Variants in CAPN8 observed in about 807,000 individuals in gnomAD.
The protein encoded by CAPN8 is calpain 8, also known as calpain-8.
In CAPN8, 87 loss-of-function variants were observed where a neutral mutation model predicts 80.9. That is an observed-to-expected ratio of 1.07 (90% CI 0.90 to 1.28). CAPN8 has a LOEUF of 1.28. Among genes scored for constraint, CAPN8 ranks in the 50% most tolerant of loss-of-function variants. The pLI is 0.00. For synonymous variants in CAPN8, 299 were observed against 273.8 expected (o/e 1.09, Z -0.91); for missense variants, 757 against 702.0 (o/e 1.08, Z -0.89).
rs533265976 is a variant in CAPN8, at chr1:223,660,090, G to A, written c.237+5320C>T. ...GAGTGGAAGCTCCAAGCTGAGGCCT[G>A]TCACCCTCATCCTTATCCTAACCTC... On this transcript the variant is annotated intron_variant, in intron 1 of 20. Coordinates refer to ENST00000366872, the MANE Select transcript of CAPN8 (RefSeq NM_001143962.2). 3.9e-5 allele frequency among the ~76,000 whole-genome samples: 6 copies of A among 152,302 alleles called. No individual in the cohort carries two copies. In the East Asian group the frequency reaches 9.6e-4, roughly 24 times the overall value.
chr1:223,659,448 C>T (rs1243490057), intron 1 of CAPN8, among the ~76,000 whole-genome samples: 1 of 152,150 alleles, frequency 6.6e-6, no homozygotes, highest in East Asian at 1.9e-4. Context: ...TCACTCTCTT[C>T]CCATCACAGT....
intron 2 of CAPN8, among the ~76,000 whole-genome samples, chr1:223,652,517 T>C (rs369001084): frequency 4.0e-5 from 6 of 151,854 alleles, no homozygotes; most frequent in African/African-American, 1.4e-4. Flanking sequence ...CTACACACGG[T>C]ATGTCGAGTG....
Position 223,665,316 on chromosome 1 carries a change from G to A in CAPN8, c.237+94C>T, listed in dbSNP as rs1337126821. On this transcript the variant is annotated intron_variant, in intron 1 of 20. Coordinates refer to ENST00000366872, the MANE Select transcript of CAPN8 (RefSeq NM_001143962.2). ...TGAAATATGAGATCCAGACACTTAGGGTCCACAGCCTCAACTTCTCCCTCA... is the reference window on the plus strand; with the variant it reads ...TGAAATATGAGATCCAGACACTTAGAGTCCACAGCCTCAACTTCTCCCTCA... The A allele has an allele frequency of 4.2e-6, 4 of 957,250 alleles. No homozygotes were observed. In the East Asian group the frequency reaches 1.1e-4, roughly 25 times the overall value. The allele number at this position is 957,250 out of a possible 1,614,324, so 59.3% of individuals were successfully genotyped here. A position where few individuals can be genotyped will look rare whatever the true frequency, so the allele number is the denominator to read the frequency against.
intron 6 of CAPN8, among the ~76,000 whole-genome samples, chr1:223,625,222 G>C (rs1657532202): frequency 6.6e-6 from 1 of 152,174 alleles, no homozygotes; most frequent in Non-Finnish European, 1.5e-5. Context: ...TGGGACTACT[G>C]CCCCTTTTCC....
Position 223,545,228 on chromosome 1 carries a change from T to A in CAPN8, c.1833+3A>T. 6.4e-7 allele frequency: 1 copy of A among 1,551,680 alleles called. No individual in the cohort carries two copies. Among genetic ancestry groups the A allele is most frequent in the Non-Finnish European group, 8.7e-7 (1 of 1,146,980 alleles). ...AGGATGCCCAGAAGGAAAAGAGAGT[T>A]ACCAGATACTTCTGAATCTTCAGCC... On this transcript the variant is annotated splice_donor_region_variant and intron_variant, in intron 17 of 20. Coordinates refer to ENST00000366872, the MANE Select transcript of CAPN8 (RefSeq NM_001143962.2).
rs74145959 is a variant in CAPN8 at position 223,639,849 on chromosome 1, C to T, written c.308-11069G>A. On this transcript the variant is annotated intron_variant, in intron 2 of 20. Transcript: ENST00000366872. Reference sequence around the variant, plus strand: ...ACAAGTAAAGCTGAGGCCCTGAGTTCAAGTGACCCCCCAAGGCCAGGCAGT... The same window carrying T: ...ACAAGTAAAGCTGAGGCCCTGAGTTTAAGTGACCCCCCAAGGCCAGGCAGT... Among the ~76,000 whole-genome samples the T allele has an allele frequency of 6.0e-3, 910 of 152,344 alleles. 13 individuals carry two copies. Among genetic ancestry groups the T allele is most frequent in the African/African-American group, 0.02 (847 of 41,572 alleles).
intron 12 of CAPN8, 98 bp from the exon 13 acceptor site, chr1:223,558,265 T>A: frequency 2.5e-6 from 1 of 397,330 alleles, no homozygotes. Flanking sequence ...CCTGAGAGAT[T>A]GGGCTCGCAC....
intron 7 of CAPN8, 63 bp from the exon 8 acceptor site, chr1:223,620,329 T>C: frequency 1.4e-6 from 2 of 1,403,106 alleles, no homozygotes; most frequent in Non-Finnish European, 2.0e-6. Flanking sequence ...GCAAGCTGTT[T>C]ACTGCAGCTA....
At chr1:223,613,870 C>T (rs927362113) in intron 10 of CAPN8, among the ~76,000 whole-genome samples, 1 of 152,228 alleles carries the variant, frequency 6.6e-6, no homozygotes, top group Non-Finnish European at 1.5e-5. Flanking sequence ...ACTTCTGATA[C>T]CCTCTTAACC....
In CAPN8 at chr1:223,625,805, C is replaced by T. The variant is rs1344873046; in HGVS notation, c.813G>A (p.Glu271=). 1 of 1,549,704 alleles carries T rather than the reference C, an allele frequency of 6.5e-7. No individual in the cohort carries two copies. The highest frequency in any genetic ancestry group is 2.0e-5 in the Admixed American group (1 of 50,980). Residue 271 remains glutamate, a splice_region_variant and synonymous_variant, in exon 6 of 21, where the codon GAG becomes GAA. Coordinates refer to ENST00000366872, the MANE Select transcript of CAPN8 (RefSeq NM_001143962.2). ...TTCCCCACCTTCCACACAATTTTAC[C>T]TCTTCGACTCCAGTGACAGAGTACG... ...SHAYSVTGVE[E]VNFQGHPEKL...
At chr1:223,656,139 G>C (rs533111841) in intron 1 of CAPN8, among the ~76,000 whole-genome samples, 2 of 151,212 alleles carry the variant, frequency 1.3e-5, no homozygotes, top group Admixed American at 6.6e-5. Context: ...GGCAGAAACA[G>C]CTCCTCTGGG....
chr1:223,544,017 C>A (rs61823524), intron 19 of CAPN8, 50 bp downstream of exon 19: 8,485 of 713,794 alleles, frequency 0.012, 324 homozygotes, highest in East Asian at 0.081. Context: ...CCCTGCCCCA[C>A]CTTGCACCTT....
At chr1:223,551,119 C>T (rs2102690893) in intron 14 of CAPN8, 102 bp from the exon 15 acceptor site, 1 of 662,564 alleles carries the variant, frequency 1.5e-6, no homozygotes, top group African/African-American at 1.8e-5. Flanking sequence ...ACCAGGCCCA[C>T]TGGCCCTGTG....
chr1:223,541,961 C>T (rs1656476873), intron 20 of CAPN8, 102 bp from the exon 21 acceptor site: 1 of 1,525,116 alleles, frequency 6.6e-7, no homozygotes, highest in African/African-American at 1.4e-5. Context: ...CTTTTTATCT[C>T]CATTCTCCAG....
chr1:223,628,263 G>T (rs1443707041), intron 3 of CAPN8, 121 bp from the exon 4 acceptor site: 22 of 1,164,620 alleles, frequency 1.9e-5, no homozygotes, highest in Non-Finnish European at 2.6e-5. Flanking sequence ...CTCCTTAGGA[G>T]CAGGACATGT....
chr1:223,627,609 T>C (rs1413634588), intron 4 of CAPN8, among the ~76,000 whole-genome samples: 2 of 152,244 alleles, frequency 1.3e-5, no homozygotes, highest in Non-Finnish European at 2.9e-5. Flanking sequence ...CATCAAACGC[T>C]GGTGAGAAGA....
At chr1:223,620,081 G>T in intron 8 of CAPN8, 111 bp downstream of exon 8, 6 of 873,360 alleles carry the variant, frequency 6.9e-6, no homozygotes, top group South Asian at 1.5e-5. Flanking sequence ...AATTCACCAT[G>T]ATCAGGAACC....
intron 9 of CAPN8, among the ~76,000 whole-genome samples, chr1:223,616,410 C>A (rs1244513879): frequency 6.6e-6 from 1 of 152,200 alleles, no homozygotes; most frequent in Non-Finnish European, 1.5e-5. Context: ...CCCAGAAGTG[C>A]TTGACTGGGA....
intron 2 of CAPN8, among the ~76,000 whole-genome samples, chr1:223,643,119 G>C (rs1323964548): frequency 6.6e-6 from 1 of 152,174 alleles, no homozygotes; most frequent in Non-Finnish European, 1.5e-5. Context: ...AATGCTAGAA[G>C]CCAGGTGTAA....
Sources: gnomAD v4.1 joint callset for allele counts (sites outside exome capture counted in the v4.1 genomes callset) on GRCh38, gnomAD v4.1.1 for gene constraint, MANE v1.5 for transcripts, NCBI Gene and HGNC (gene_info 2026-07-23, HGNC 2026-07-21) for gene names.